GABRB1: variants seen among roughly 807,000 people sequenced by gnomAD.
The protein encoded by GABRB1 is gamma-aminobutyric acid receptor subunit beta-1.
A neutral mutation model predicts 51.6 loss-of-function variants in GABRB1; 17 were observed. The ratio of observed to expected loss-of-function variants is 0.33; its 90% confidence interval spans 0.23 to 0.49. GABRB1 has a LOEUF of 0.49. Among genes scored for constraint, GABRB1 ranks in the 20% least tolerant of loss-of-function variants. The probability of loss-of-function intolerance (pLI) is 0.99; values close to 1 mark genes in which losing one functional copy is unlikely to be tolerated. For missense variants in GABRB1, 410 were observed against 600.6 expected (o/e 0.68, Z 3.32); for synonymous variants, 247 against 218.9 (o/e 1.13, Z -1.14).
intron 4 of GABRB1, among the ~76,000 whole-genome samples, chr4:47,304,972 A>T (rs964087779): frequency 6.6e-6 from 1 of 152,094 alleles, no homozygotes; most frequent in South Asian, 2.1e-4. Flanking sequence ...GGAAACTCAG[A>T]CATAGATTAA....
chr4:47,093,243 G>A (rs1318672579), intron 3 of GABRB1, among the ~76,000 whole-genome samples: 1 of 152,132 alleles, frequency 6.6e-6, no homozygotes, highest in Non-Finnish European at 1.5e-5. Flanking sequence ...CCACTGAAAC[G>A]AATTCTATGA....
chr4:47,259,248 C>T (rs757127199), intron 4 of GABRB1, among the ~76,000 whole-genome samples: 10 of 152,066 alleles, frequency 6.6e-5, no homozygotes, highest in East Asian at 5.8e-4. Context: ...GTGAGAATAA[C>T]GCACAGCTAC....
Position 47,031,662 on chromosome 4 carries a change from T to A in GABRB1, c.11T>A (p.Val4Glu), listed in dbSNP as rs773242206. 2 of 1,613,132 alleles carry A rather than the reference T, an allele frequency of 1.2e-6. No homozygotes were observed. Among genetic ancestry groups the A allele is most frequent in the East Asian group, 4.5e-5 (2 of 44,870 alleles). ...TAATCAGAGTTAGTAATGTGGACAG[T>A]ACAAAATCGAGAGAGTCTGGGGCTT... MWT[V>E]QNRESLGLLS... is the part of the protein sequence containing the mutation. The change falls in exon 1 of 9, where the codon GTA becomes GAA. Residue 4 changes from valine (V) to glutamate (E), a missense_variant. Physicochemically the swap from Val to Glu is moderately radical, Grantham distance 121. This residue lies in a region of GABRB1 where 56 missense variants were observed against 54.8 expected (regional missense o/e 1.02). Coordinates refer to ENST00000295454, the MANE Select transcript of GABRB1 (RefSeq NM_000812.4).
At chr4:47,413,164 G>T (rs7671396) in intron 8 of GABRB1, among the ~76,000 whole-genome samples, 70,332 of 152,102 alleles carry the variant, frequency 0.46, 18,843 homozygotes, top group East Asian at 0.78. Context: ...GAAAAGAAAT[G>T]ATTTGGGGGC....
intron 4 of GABRB1, among the ~76,000 whole-genome samples, chr4:47,252,140 G>T: frequency 7.2e-6 from 1 of 138,770 alleles, no homozygotes. Context: ...GGATCCCTGT[G>T]GTGCCAGGCA....
intron 4 of GABRB1, among the ~76,000 whole-genome samples, chr4:47,165,919 C>G (rs1424157812): frequency 6.6e-6 from 1 of 152,090 alleles, no homozygotes; most frequent in African/African-American, 2.4e-5. Flanking sequence ...AATTCCACGT[C>G]TCTTTTGTCA....
intron 5 of GABRB1, among the ~76,000 whole-genome samples, chr4:47,346,448 C>T (rs1471161985): frequency 6.8e-6 from 1 of 147,968 alleles, no homozygotes; most frequent in Non-Finnish European, 1.5e-5. Context: ...GACTATTCAA[C>T]AGGCTGATTG....
intron 3 of GABRB1, among the ~76,000 whole-genome samples, chr4:47,125,541 C>T (rs1390074004): frequency 6.9e-6 from 1 of 145,116 alleles, no homozygotes; most frequent in Non-Finnish European, 1.5e-5. Flanking sequence ...TATCTCTAGA[C>T]ACAACAAAGT....
At chr4:47,310,912 C>A (rs1316673582) in intron 4 of GABRB1, among the ~76,000 whole-genome samples, 1 of 151,728 alleles carries the variant, frequency 6.6e-6, no homozygotes, top group Admixed American at 6.6e-5. Flanking sequence ...GCCTGTAATC[C>A]CAACACTTTG....
intron 4 of GABRB1, 44 bp downstream of exon 4, chr4:47,161,513 G>A (rs1259393731): frequency 1.3e-6 from 2 of 1,544,210 alleles, no homozygotes; most frequent in South Asian, 1.1e-5. Context: ...TTGTTGTTTT[G>A]TTTCATTTTA....
chr4:47,260,736 GAC>G (rs1722398528), intron 4 of GABRB1, among the ~76,000 whole-genome samples: 1 of 152,062 alleles, frequency 6.6e-6, no homozygotes, highest in African/African-American at 2.4e-5. Context: ...GCCGGGCAGA[GAC>G]ACAACCAAAA....
At chr4:47,281,444 G>A (rs1363517101) in intron 4 of GABRB1, among the ~76,000 whole-genome samples, 1 of 152,140 alleles carries the variant, frequency 6.6e-6, no homozygotes, top group Non-Finnish European at 1.5e-5. Context: ...TACACTGTTG[G>A]TATGAATGTA....
At chr4:47,369,382 G>A (rs1004367207) in intron 5 of GABRB1, among the ~76,000 whole-genome samples, 1 of 151,718 alleles carries the variant, frequency 6.6e-6, no homozygotes, top group Non-Finnish European at 1.5e-5. Context: ...TTATTCTTGT[G>A]TCTAATCTCC....
At chr4:47,042,382 T>A (rs1482310184) in intron 3 of GABRB1, among the ~76,000 whole-genome samples, 12 of 41,074 alleles carry the variant, frequency 2.9e-4, no homozygotes, top group Non-Finnish European at 5.2e-4. Context: ...TGCATGTGTA[T>A]GTGTATGTGT....
chr4:47,184,391 T>C (rs184029302), intron 4 of GABRB1, among the ~76,000 whole-genome samples: 13 of 152,038 alleles, frequency 8.6e-5, no homozygotes, highest in Admixed American at 7.2e-4. Context: ...CATGTAATAT[T>C]GTGTTGAAAT....
intron 1 of GABRB1, among the ~76,000 whole-genome samples, chr4:47,004,749 T>C (rs1724335674): frequency 6.6e-6 from 1 of 152,220 alleles, no homozygotes; most frequent in Admixed American, 6.5e-5. Flanking sequence ...TCTGTTAAGA[T>C]ACGTAGTTTA....
At chr4:47,009,989 G>A (rs1011820527) in intron 1 of GABRB1, among the ~76,000 whole-genome samples, 12 of 152,112 alleles carry the variant, frequency 7.9e-5, no homozygotes, top group African/African-American at 2.2e-4. Flanking sequence ...CAAGACATTC[G>A]GATGAGCTGT....
At chr4:47,276,502 C>A (rs1266424769) in intron 4 of GABRB1, among the ~76,000 whole-genome samples, 1 of 152,032 alleles carries the variant, frequency 6.6e-6, no homozygotes, top group Non-Finnish European at 1.5e-5. Context: ...CCTGTATACT[C>A]CAAGGACTCA....
chr4:47,320,527 T>C (rs1024161818), intron 5 of GABRB1, among the ~76,000 whole-genome samples: 1 of 152,176 alleles, frequency 6.6e-6, no homozygotes, highest in Non-Finnish European at 1.5e-5. Flanking sequence ...GAAAAGAGTT[T>C]GTGAGATTGT....
Sources: gnomAD v4.1 joint callset for allele counts (sites outside exome capture counted in the v4.1 genomes callset) on GRCh38, gnomAD v4.1.1 for gene constraint, gnomAD v4.1.1 regional missense constraint, MANE v1.5 for transcripts, NCBI Gene and HGNC (gene_info 2026-07-23, HGNC 2026-07-21) for gene names.